The following AGBL3 variants were observed in gnomAD, a reference collection of about 807,000 sequenced individuals.
The protein encoded by AGBL3 is cytosolic carboxypeptidase 3.
A neutral mutation model predicts 94.5 loss-of-function variants in AGBL3; 68 were observed. That is an observed-to-expected ratio of 0.72 (90% CI 0.59 to 0.88). The LOEUF is 0.88. Among genes scored for constraint, AGBL3 ranks in the 40% least tolerant of loss-of-function variants. The pLI, the probability that AGBL3 is intolerant of heterozygous loss-of-function variation, is 0.00. For synonymous variants in AGBL3, 354 were observed against 370.7 expected (o/e 0.95, Z 0.52); for missense variants, 934 against 1,103.8 (o/e 0.85, Z 2.18).
chr7:135,010,498 C>T (rs539708949), intron 4 of AGBL3: 2 of 154,130 alleles, frequency 1.3e-5, no homozygotes, highest in South Asian at 4.0e-4. Context: ...CTATAGAGGA[C>T]ATTATTTATA....
intron 4 of AGBL3, among the ~76,000 whole-genome samples, chr7:135,006,439 A>C (rs1812396314): frequency 6.6e-6 from 1 of 151,910 alleles, no homozygotes; most frequent in Non-Finnish European, 1.5e-5. Context: ...ATGTATAGAA[A>C]AACTAGCAGT....
chr7:135,077,867 A>G (rs1352564988), intron 13 of AGBL3, among the ~76,000 whole-genome samples: 1 of 152,152 alleles, frequency 6.6e-6, no homozygotes, highest in Non-Finnish European at 1.5e-5. Flanking sequence ...TATCTGTAGA[A>G]AGACTGCCTT....
At chr7:135,104,250 T>C (rs918345988) in intron 15 of AGBL3, among the ~76,000 whole-genome samples, 10 of 152,200 alleles carry the variant, frequency 6.6e-5, no homozygotes, top group African/African-American at 2.4e-4. Context: ...CATGATCTCA[T>C]TATTTTCATG....
chr7:135,087,903 T>C (rs570432577), intron 15 of AGBL3, among the ~76,000 whole-genome samples: 2 of 152,226 alleles, frequency 1.3e-5, no homozygotes, highest in East Asian at 1.9e-4. Context: ...TGTCCAGTGA[T>C]GACAGTGATG....
chr7:135,048,739 T>C (rs1457153504), intron 11 of AGBL3, among the ~76,000 whole-genome samples: 1 of 142,440 alleles, frequency 7.0e-6, no homozygotes, highest in East Asian at 1.9e-4. Context: ...GTTTATTGAT[T>C]AGTTCTCACA....
At chr7:135,092,789 A>G (rs1822048185) in intron 15 of AGBL3, 1 of 152,160 alleles carries the variant, frequency 6.6e-6, no homozygotes, top group Admixed American at 6.5e-5. Context: ...AGTAAGAGAA[A>G]ATACTAGCAA....
intron 15 of AGBL3, among the ~76,000 whole-genome samples, chr7:135,086,463 G>T (rs1264668079): frequency 1.3e-5 from 2 of 151,868 alleles, no homozygotes; most frequent in African/African-American, 4.8e-5. Flanking sequence ...TGTCTTGTAT[G>T]GCCTTTACTG....
chr7:135,021,198 T>C (rs979791313), intron 5 of AGBL3, among the ~76,000 whole-genome samples: 1 of 152,230 alleles, frequency 6.6e-6, no homozygotes, highest in African/African-American at 2.4e-5. Context: ...AGTACCACCA[T>C]ATTGATATTG....
chr7:135,131,031 T>G (rs940823253), intron 16 of AGBL3, among the ~76,000 whole-genome samples: 2 of 152,136 alleles, frequency 1.3e-5, no homozygotes, highest in Non-Finnish European at 2.9e-5. Context: ...CTGTTTTAGG[T>G]GTGTGTGTCC....
intron 4 of AGBL3, chr7:135,011,924 A>G (rs929828300): frequency 6.6e-6 from 1 of 152,154 alleles, no homozygotes; most frequent in African/African-American, 2.4e-5. Context: ...TGTATACCTA[A>G]AACTGATGTG....
intron 4 of AGBL3, among the ~76,000 whole-genome samples, chr7:135,012,763 A>G (rs1813315911): frequency 6.6e-6 from 1 of 152,124 alleles, no homozygotes; most frequent in Non-Finnish European, 1.5e-5. Context: ...CTTGACCTCT[A>G]CCTCACTAGT....
chr7:135,051,402 A>G (rs7801528), intron 11 of AGBL3, among the ~76,000 whole-genome samples: 152,199 of 152,202 alleles, frequency 1, 76,098 homozygotes, highest in Non-Finnish European at 1. Context: ...GACCAATTAA[A>G]TTGGCCTGTG....
chr7:135,116,518 A>G (rs1014980672), intron 16 of AGBL3, among the ~76,000 whole-genome samples: 20 of 152,166 alleles, frequency 1.3e-4, no homozygotes, highest in South Asian at 6.2e-4. Flanking sequence ...CACCAGCCCA[A>G]TGGGGAGAGA....
At chr7:135,058,984 T>A (rs1400491253) in intron 11 of AGBL3, among the ~76,000 whole-genome samples, 185 bp from the exon 12 acceptor site, 2 of 152,182 alleles carry the variant, frequency 1.3e-5, no homozygotes, top group Admixed American at 6.5e-5. Context: ...CTCAAACTCC[T>A]GACCTCAGGT....
chr7:135,107,934 T>C (rs1234072276), intron 15 of AGBL3, among the ~76,000 whole-genome samples: 2 of 152,240 alleles, frequency 1.3e-5, no homozygotes, highest in African/African-American at 2.4e-5. Flanking sequence ...TTAGGTCTTC[T>C]TGTTGAATTG....
At chr7:135,022,775 A>C (rs1319272358) in intron 5 of AGBL3, among the ~76,000 whole-genome samples, 1 of 152,070 alleles carries the variant, frequency 6.6e-6, no homozygotes, top group Admixed American at 6.5e-5. Context: ...GTTTTCTTCT[A>C]GAGTTTTTAT....
At chr7:135,013,647 TCAGTTAG>T (rs1813422149) in intron 4 of AGBL3, among the ~76,000 whole-genome samples, 1 of 151,636 alleles carries the variant, frequency 6.6e-6, no homozygotes, top group Non-Finnish European at 1.5e-5. Flanking sequence ...TTTGATTAAG[TCAGTTAG>T]TACAAGACAC....
At chr7:135,120,112 A>G (rs888130555) in intron 16 of AGBL3, among the ~76,000 whole-genome samples, 15 of 152,266 alleles carry the variant, frequency 9.9e-5, no homozygotes, top group African/African-American at 3.6e-4. Flanking sequence ...CTTACTCTAA[A>G]AGAATGACTA....
At chr7:135,000,660 A>G (rs947975421) in intron 4 of AGBL3, among the ~76,000 whole-genome samples, 9 of 152,086 alleles carry the variant, frequency 5.9e-5, no homozygotes, top group African/African-American at 9.7e-5. Context: ...TACTGGTTCT[A>G]TTTTTTCTGA....
Sources: allele counts gnomAD v4.1 joint callset (sites outside exome capture counted in the v4.1 genomes callset), GRCh38; gene constraint gnomAD v4.1.1; transcripts MANE v1.5; gene names NCBI Gene and HGNC (gene_info 2026-07-23, HGNC 2026-07-21).